KATNIP: variants seen among roughly 807,000 people sequenced by gnomAD.
The protein encoded by KATNIP is katanin-interacting protein.
Under a neutral mutation model 174.0 loss-of-function variants are expected in KATNIP, and 126 were observed. The ratio of observed to expected loss-of-function variants is 0.72; its 90% CI spans 0.63 to 0.84. KATNIP has a LOEUF of 0.84. Ranked by LOEUF, KATNIP falls within the 40% of genes least tolerant of loss-of-function variation. KATNIP has a pLI of 0.00. For synonymous variants in KATNIP, 810 were observed against 835.7 expected (o/e 0.97, Z 0.53); for missense variants, 1,958 against 2,109.7 (o/e 0.93, Z 1.41).
intron 3 of KATNIP, among the ~76,000 whole-genome samples, chr16:27,627,804 G>A (rs2076378242): frequency 6.6e-6 from 1 of 152,202 alleles, no homozygotes; most frequent in Non-Finnish European, 1.5e-5. Flanking sequence ...CTGTATAAAT[G>A]TTGTTGATGT....
chr16:27,554,090 G>C (rs2089509312), intron 1 of KATNIP, among the ~76,000 whole-genome samples: 1 of 151,210 alleles, frequency 6.6e-6, no homozygotes, highest in African/African-American at 2.4e-5. Context: ...AGGAGGGAAG[G>C]TTTCTAGTAC....
At chr16:27,553,177 G>A (rs532359954) in intron 1 of KATNIP, among the ~76,000 whole-genome samples, 15 of 152,304 alleles carry the variant, frequency 9.8e-5, no homozygotes, top group African/African-American at 2.9e-4. Context: ...AGTGAGTTAT[G>A]CAAATCTAAA....
intron 8 of KATNIP, among the ~76,000 whole-genome samples, chr16:27,691,455 T>A (rs2078730465): frequency 6.6e-6 from 1 of 152,208 alleles, no homozygotes. Flanking sequence ...CACCATCCTC[T>A]AGGTCTGTGA....
chr16:27,705,267 T>A (rs548528167), intron 12 of KATNIP, among the ~76,000 whole-genome samples: 1 of 152,164 alleles, frequency 6.6e-6, no homozygotes, highest in Non-Finnish European at 1.5e-5. Context: ...TGCCCCTACC[T>A]TCACTCAAGC....
intron 2 of KATNIP, among the ~76,000 whole-genome samples, chr16:27,599,242 G>A (rs1042469699): frequency 3.3e-5 from 5 of 152,150 alleles, no homozygotes; most frequent in African/African-American, 9.7e-5. Flanking sequence ...ACTGTGCCTC[G>A]AAGCCCTAAA....
intron 13 of KATNIP, among the ~76,000 whole-genome samples, chr16:27,709,466 A>G (rs2079476766): frequency 6.6e-6 from 1 of 151,834 alleles, no homozygotes; most frequent in Non-Finnish European, 1.5e-5. Context: ...TACTAATAAT[A>G]CAAAAATTAG....
At chr16:27,565,524 G>C (rs1028539949) in intron 1 of KATNIP, among the ~76,000 whole-genome samples, 1 of 151,704 alleles carries the variant, frequency 6.6e-6, no homozygotes, top group African/African-American at 2.4e-5. Flanking sequence ...GCTGCTTCAC[G>C]CCTGTAATAC....
intron 9 of KATNIP, among the ~76,000 whole-genome samples, chr16:27,699,071 G>T (rs1262059143): frequency 3.3e-5 from 5 of 152,212 alleles, no homozygotes; most frequent in African/African-American, 1.2e-4. Context: ...AGCTTGGTGT[G>T]CACGTCCTTT....
intron 2 of KATNIP, among the ~76,000 whole-genome samples, chr16:27,582,823 A>G (rs2090749473): frequency 6.6e-6 from 1 of 152,216 alleles, no homozygotes; most frequent in Non-Finnish European, 1.5e-5. Context: ...TCAGAGCTCA[A>G]TAAATGTCAA....
intron 6 of KATNIP, 130 bp downstream of exon 6, chr16:27,648,865 C>T: frequency 1.8e-6 from 2 of 1,102,452 alleles, no homozygotes; most frequent in Non-Finnish European, 1.3e-6. Flanking sequence ...TTCCTTCACT[C>T]TTGCGTTCAT....
intron 6 of KATNIP, among the ~76,000 whole-genome samples, chr16:27,676,665 T>A (rs1291538444): frequency 6.6e-6 from 1 of 152,034 alleles, no homozygotes. Flanking sequence ...GCCCAAACAG[T>A]CCCATCTATA....
intron 13 of KATNIP, among the ~76,000 whole-genome samples, chr16:27,720,221 G>A (rs550496321): frequency 2.0e-5 from 3 of 152,096 alleles, no homozygotes; most frequent in Non-Finnish European, 4.4e-5. Context: ...CTCCTGAGTA[G>A]CTGGGATTAC....
At chr16:27,671,230 T>C (rs529428108) in intron 6 of KATNIP, among the ~76,000 whole-genome samples, 1 of 152,264 alleles carries the variant, frequency 6.6e-6, no homozygotes, top group Non-Finnish European at 1.5e-5. Context: ...GGTGCCTATT[T>C]TTCCAGACTT....
chr16:27,586,691 C>T (rs1270649296), intron 2 of KATNIP, among the ~76,000 whole-genome samples: 1 of 151,718 alleles, frequency 6.6e-6, no homozygotes, highest in African/African-American at 2.4e-5. Context: ...GAGCCAGGCA[C>T]AGTGTTGCAT....
At chr16:27,714,996 A>G (rs2079862188) in intron 13 of KATNIP, among the ~76,000 whole-genome samples, 1 of 152,252 alleles carries the variant, frequency 6.6e-6, no homozygotes, top group Admixed American at 6.5e-5. Flanking sequence ...AAGCTAAAAC[A>G]TTATTGAAAA....
At position 27,681,546 on chromosome 16, in the gene KATNIP, G is replaced by A; in HGVS notation, c.940+16G>A. ...ATGTGCTCCAGTAAGAGTTCCGGGG[G>A]CCCCTGAGCAGGGGAGCAGGGCTGC... On this transcript the variant is annotated intron_variant, in intron 8 of 27. Transcript: ENST00000261588. 2.5e-6 allele frequency: 4 copies of A among 1,613,894 alleles called. No individual in the cohort carries two copies. Among genetic ancestry groups the A allele is most frequent in the East Asian group, 2.2e-5 (1 of 44,890 alleles).
intron 5 of KATNIP, among the ~76,000 whole-genome samples, chr16:27,645,208 C>T (rs1428140363): frequency 3.9e-5 from 6 of 152,174 alleles, no homozygotes; most frequent in Admixed American, 3.9e-4. Context: ...GAGTTGATGC[C>T]GTGTAAATAG....
intron 6 of KATNIP, among the ~76,000 whole-genome samples, chr16:27,675,275 CA>C (rs1163941686): frequency 6.6e-6 from 1 of 152,174 alleles, no homozygotes; most frequent in Non-Finnish European, 1.5e-5. Flanking sequence ...TTTATAAAAT[CA>C]TCAGATCTTG....
chr16:27,601,185 A>G (rs971666416), intron 2 of KATNIP, among the ~76,000 whole-genome samples: 1 of 152,012 alleles, frequency 6.6e-6, no homozygotes, highest in African/African-American at 2.4e-5. Flanking sequence ...CAAATCCTTT[A>G]TAAGCTCCTT....
Sources: gnomAD v4.1 joint callset for allele counts (sites outside exome capture counted in the v4.1 genomes callset) on GRCh38, gnomAD v4.1.1 for gene constraint, MANE v1.5 for transcripts, NCBI Gene and HGNC (gene_info 2026-07-23, HGNC 2026-07-21) for gene names.